Variants in CFAP74 observed in about 807,000 individuals in gnomAD.
CFAP74 encodes cilia- and flagella-associated protein 74.
A neutral mutation model predicts 188.9 loss-of-function variants in CFAP74; 124 were observed. That is an observed-to-expected ratio of 0.66 (90% CI 0.57 to 0.76). The LOEUF (loss-of-function observed/expected upper bound fraction) is 0.76, where lower values mean the gene tolerates loss of function less well. Among genes scored for constraint, CFAP74 ranks in the 30% least tolerant of loss-of-function variants. The pLI, the probability that CFAP74 is intolerant of heterozygous loss-of-function variation, is 0.00. For synonymous variants in CFAP74, 956 were observed against 916.7 expected (o/e 1.04, Z -0.77); for missense variants, 2,198 against 2,165.2 (o/e 1.02, Z -0.30).
intron 24 of CFAP74, 24 bp from the exon 25 acceptor site, chr1:1,939,012 G>C (rs1423530198): frequency 6.5e-7 from 1 of 1,534,002 alleles, no homozygotes; most frequent in South Asian, 1.2e-5. Context: ...AGTGCTCTGA[G>C]GGCATGTCAC....
At chr1:1,935,510 G>T (rs1263816410) in intron 25 of CFAP74, among the ~76,000 whole-genome samples, 3 of 87,592 alleles carry the variant, frequency 3.4e-5, no homozygotes, top group African/African-American at 1.2e-4. Context: ...GTGCACGTGG[G>T]TTAGGTTGTA....
At chr1:1,989,148 C>A (rs988557088) in intron 2 of CFAP74, among the ~76,000 whole-genome samples, 175 bp from the exon 3 acceptor site, 2 of 152,136 alleles carry the variant, frequency 1.3e-5, no homozygotes, top group African/African-American at 4.8e-5. Flanking sequence ...GGGACTGGGG[C>A]GCTGGCGCCT....
chr1:1,953,292 C>T (rs1417017573), intron 18 of CFAP74: 2 of 144,526 alleles, frequency 1.4e-5, no homozygotes, highest in African/African-American at 5.5e-5. Flanking sequence ...GGTCAATTGA[C>T]TTGCTTTTTT....
intron 20 of CFAP74, 70 bp downstream of exon 20, chr1:1,946,247 G>A: frequency 6.8e-7 from 1 of 1,461,180 alleles, no homozygotes. Context: ...GTGGCCAAGG[G>A]CAGCTGCCAC....
At position 1,923,903 on chromosome 1, in the gene CFAP74, C is replaced by T. The variant is rs373347486; in HGVS notation, c.4261G>A (p.Val1421Met). 195 of 1,611,912 alleles carry T rather than the reference C, an allele frequency of 1.2e-4. No individual in the cohort carries two copies. Among genetic ancestry groups the T allele is most frequent in the South Asian group, 4.3e-4 (39 of 91,046 alleles). The change falls in exon 35 of 39, where the codon GTG (valine) becomes ATG (methionine). Residue 1421 changes from valine (V) to methionine (M), a missense_variant. Physicochemically the swap from Val to Met is conservative, Grantham distance 21 (BLOSUM62 1). Coordinates refer to ENST00000682832, the MANE Select transcript of CFAP74 (RefSeq NM_001304360.2). The surrounding 1 kb of genome is among the most constrained non-coding windows in gnomAD (Gnocchi z 6.3). ...VGTQNLNGQS[V>M]FSVAPVKGVM... ...CCCTTGACGGGGGCCACGCTGAACA[C>T]GCTCTGACCGTTGAGATTCTGCGTC...
chr1:1,946,602 G>A (rs1653793055), intron 19 of CFAP74, among the ~76,000 whole-genome samples, 163 bp from the exon 20 acceptor site: 1 of 152,146 alleles, frequency 6.6e-6, no homozygotes, highest in Admixed American at 6.5e-5. Context: ...CCAGCCCTTG[G>A]AGGACTTACT....
chr1:1,956,877 CCTG>C, intron 16 of CFAP74, 93 bp from the exon 17 acceptor site: 1 of 1,365,526 alleles, frequency 7.3e-7, no homozygotes, highest in Admixed American at 2.1e-5. Context: ...GCAGGGCTGC[CCTG>C]AGCATTTGTG....
chr1:1,990,565 T>C (rs1400393804), intron 2 of CFAP74, among the ~76,000 whole-genome samples: 1 of 151,980 alleles, frequency 6.6e-6, no homozygotes, highest in African/African-American at 2.4e-5. Flanking sequence ...ACATTTCAGA[T>C]CATCAGAGAT....
chr1:1,955,003 C>T (rs993409097), intron 18 of CFAP74: 6 of 1,125,766 alleles, frequency 5.3e-6, no homozygotes, highest in Admixed American at 5.9e-5. Context: ...GGAAACGCCA[C>T]GCAGTGGTGA....
intron 18 of CFAP74, among the ~76,000 whole-genome samples, chr1:1,952,324 A>C (rs1654247431): frequency 6.6e-6 from 1 of 151,792 alleles, no homozygotes; most frequent in Non-Finnish European, 1.5e-5. Context: ...AAAATAAAGG[A>C]AGAGGATAAA....
At chr1:1,925,983 G>C (rs776540408) in intron 32 of CFAP74, 45 bp from the exon 33 acceptor site, 2 of 1,529,272 alleles carry the variant, frequency 1.3e-6, no homozygotes, top group Non-Finnish European at 1.8e-6. Context: ...GTCTGCTGGA[G>C]CCACGAGGGG....
At chr1:1,927,871 G>T in intron 27 of CFAP74, 125 bp from the exon 28 acceptor site, 3 of 1,122,018 alleles carry the variant, frequency 2.7e-6, no homozygotes, top group Non-Finnish European at 3.7e-6. Flanking sequence ...ATGTGGGGAC[G>T]CAAAAGCCGA....
chr1:1,926,015 G>C, intron 32 of CFAP74, 77 bp from the exon 33 acceptor site: 1 of 1,468,780 alleles, frequency 6.8e-7, no homozygotes, highest in Non-Finnish European at 9.1e-7. Context: ...AGGGGCAGTG[G>C]GTTCTCAACG....
intron 1 of CFAP74, among the ~76,000 whole-genome samples, chr1:2,000,406 C>T (rs1046901932): frequency 1.3e-5 from 2 of 152,208 alleles, no homozygotes; most frequent in Non-Finnish European, 2.9e-5. Context: ...ATCATCCTGC[C>T]TATGGCACCC....
chr1:1,955,489 G>A (rs749766387), intron 18 of CFAP74: 15 of 1,596,432 alleles, frequency 9.4e-6, no homozygotes, highest in African/African-American at 1.3e-5. Flanking sequence ...TAGCGTCAAC[G>A]TGAATGTACA....
At chr1:1,949,496 T>A (rs1421407166) in intron 18 of CFAP74, among the ~76,000 whole-genome samples, 2 of 151,758 alleles carry the variant, frequency 1.3e-5, no homozygotes, top group South Asian at 2.1e-4. Context: ...GTGATTTTTT[T>A]TTTATTTTTT....
At chr1:1,957,931 C>T (rs1654776336) in intron 16 of CFAP74, among the ~76,000 whole-genome samples, 1 of 152,208 alleles carries the variant, frequency 6.6e-6, no homozygotes, top group Non-Finnish European at 1.5e-5. Context: ...TGCCCTAGGA[C>T]GGCAGTGGTC....
At position 1,927,742 on chromosome 1, in the gene CFAP74, C is replaced by G; in HGVS notation, c.3392G>C (p.Arg1131Pro). The G allele has an allele frequency of 1.9e-6, 3 of 1,549,782 alleles. No homozygotes were observed. Among genetic ancestry groups the G allele is most frequent in the South Asian group, 1.2e-5 (1 of 84,030 alleles). Residue 1131 changes from arginine to proline, a missense_variant, in exon 28 of 39, where the codon CGA (arginine) becomes CCA (proline). Arg to Pro is a moderately radical substitution (Grantham distance 103, BLOSUM62 -2). Transcript: ENST00000682832. ...LNKEMETKSF[R>P]KNMAPQRKDL... ...CTTCCTCTGGGGGGCCATATTCTTT[C>G]GGAACTGTGGGGGGAGCGACTGGCT...
rs948345765 is a variant in CFAP74 at position 1,930,154 on chromosome 1, G to A, written c.3194C>T (p.Ala1065Val). Residue 1065 changes from alanine (A) to valine (V), a missense_variant, in exon 26 of 39, where the codon GCC (alanine) becomes GTC (valine). By Grantham distance (64) the Ala-to-Val change is moderately conservative. Coordinates refer to ENST00000682832, the MANE Select transcript of CFAP74 (RefSeq NM_001304360.2). ...HSKPRIGSED[A>V]SPMGPTSFEF... The stretch of plus-strand genomic sequence containing the variant: ...GAAAGACGTGGGCCCCATGGGAGAG[G>A]CGTCCTCTGAGCCAATGCGGGGCTT... 2.5e-5 allele frequency: 39 copies of A among 1,535,566 alleles called. No homozygotes were observed. The African/African-American group carries it at 4.7e-4, about 18-fold the overall frequency.
Sources: allele counts gnomAD v4.1 joint callset (sites outside exome capture counted in the v4.1 genomes callset), GRCh38; gene constraint gnomAD v4.1.1; non-coding constraint Gnocchi (gnomAD v3.1); transcripts MANE v1.5; gene names NCBI Gene and HGNC (gene_info 2026-07-23, HGNC 2026-07-21).